UXS1: variants seen among roughly 807,000 people sequenced by gnomAD.
UXS1 encodes UDP-glucuronic acid decarboxylase 1.
UXS1 carries 33 observed loss-of-function variants against 62.6 expected under a neutral mutation model. That is an observed-to-expected ratio of 0.53 (90% CI 0.40 to 0.70). UXS1 has a LOEUF of 0.70. Among genes scored for constraint, UXS1 ranks in the 30% least tolerant of loss-of-function variants. The pLI is 0.00. For missense variants in UXS1, 434 were observed against 556.3 expected (o/e 0.78, Z 2.21); for synonymous variants, 213 against 206.8 (o/e 1.03, Z -0.26).
intron 1 of UXS1, among the ~76,000 whole-genome samples, chr2:106,179,228 GCCTCCATGGTCTC>G: frequency 6.6e-6 from 1 of 152,056 alleles, no homozygotes; most frequent in Non-Finnish European, 1.5e-5. Context: ...TTGTGATGAA[GCCTCCATGGTCTC>G]CCCCACCCCA....
At position 106,096,519 on chromosome 2, in the gene UXS1, G is replaced by A. The variant is rs1008630617; in HGVS notation, c.1146+199C>T. Among the ~76,000 whole-genome samples, 11 of 152,292 alleles carry A rather than the reference G, an allele frequency of 7.2e-5. No homozygotes were observed. The East Asian group carries it at 2.1e-3, about 29-fold the overall frequency. On this transcript the variant is annotated intron_variant, in intron 14 of 14. Transcript: ENST00000283148. ...GAGCCCAGAGCAGGGGCTTCCAGCC[G>A]CTTCCCAGGTAACATTCTCTGAGAC... is the stretch of plus-strand genomic sequence containing the variant.
At chr2:106,171,602 C>T (rs941547457) in intron 1 of UXS1, among the ~76,000 whole-genome samples, 1 of 152,168 alleles carries the variant, frequency 6.6e-6, no homozygotes, top group Non-Finnish European at 1.5e-5. Context: ...AGCCTGAGTC[C>T]CTGAATGCCA....
chr2:106,188,089 A>C (rs898998769), intron 1 of UXS1, among the ~76,000 whole-genome samples: 1 of 152,206 alleles, frequency 6.6e-6, no homozygotes, highest in Non-Finnish European at 1.5e-5. Flanking sequence ...ATGGCTCCTA[A>C]ACCCGACTAA....
At chr2:106,109,907 C>T (rs538782978) in intron 10 of UXS1, among the ~76,000 whole-genome samples, 1 of 152,302 alleles carries the variant, frequency 6.6e-6, no homozygotes, top group African/African-American at 2.4e-5. Context: ...TCAGAAGTGA[C>T]TTGTCGGAAA....
At chr2:106,116,331 C>T (rs1558690901) in intron 9 of UXS1, among the ~76,000 whole-genome samples, 2 of 152,206 alleles carry the variant, frequency 1.3e-5, no homozygotes, top group Non-Finnish European at 2.9e-5. Flanking sequence ...AGAGACAACA[C>T]CCAACCAGAT....
intron 5 of UXS1, among the ~76,000 whole-genome samples, chr2:106,153,303 C>T (rs1357580856): frequency 6.6e-6 from 1 of 152,160 alleles, no homozygotes; most frequent in East Asian, 1.9e-4. Flanking sequence ...AAAAATAAAG[C>T]AATTAGCTAG....
At chr2:106,108,057 G>A (rs1678239240) in intron 10 of UXS1, among the ~76,000 whole-genome samples, 1 of 152,248 alleles carries the variant, frequency 6.6e-6, no homozygotes, top group Non-Finnish European at 1.5e-5. Flanking sequence ...GTATGCTCCA[G>A]TGTGTGCATT....
chr2:106,155,425 T>A (rs999355961), intron 5 of UXS1, among the ~76,000 whole-genome samples: 1 of 152,148 alleles, frequency 6.6e-6, no homozygotes, highest in Non-Finnish European at 1.5e-5. Flanking sequence ...AAGGGAAAGG[T>A]ACCAAATAGG....
chr2:106,140,033 G>GTTCTAACATCCT (rs570374105), intron 6 of UXS1, among the ~76,000 whole-genome samples: 618 of 152,296 alleles, frequency 4.1e-3, no homozygotes, highest in Non-Finnish European at 7.8e-3. Flanking sequence ...ATTTAGGATG[G>GTTCTAACATCCT]AAAACAGGAA....
intron 11 of UXS1, among the ~76,000 whole-genome samples, chr2:106,103,633 G>A (rs929678917): frequency 6.6e-6 from 1 of 152,098 alleles, no homozygotes; most frequent in African/African-American, 2.4e-5. Flanking sequence ...CTGTTAAATC[G>A]CTTTTTAGAA....
At chr2:106,114,078 C>T (rs376686260) in intron 9 of UXS1, among the ~76,000 whole-genome samples, 22 of 152,196 alleles carry the variant, frequency 1.4e-4, no homozygotes, top group African/African-American at 5.1e-4. Flanking sequence ...GCATGAACCA[C>T]GAGCCCCAGA....
At chr2:106,146,772 C>CAAAAAAA (rs55896853) in intron 5 of UXS1, among the ~76,000 whole-genome samples, 18 of 45,208 alleles carry the variant, frequency 4.0e-4, no homozygotes, top group South Asian at 7.2e-4. Context: ...GACTCCATCT[C>CAAAAAAA]AAAAAAAAAA....
At chr2:106,109,680 TA>T (rs1285972669) in intron 10 of UXS1, among the ~76,000 whole-genome samples, 9 of 152,196 alleles carry the variant, frequency 5.9e-5, no homozygotes, top group African/African-American at 1.9e-4. Context: ...TGATTCCACT[TA>T]AAATATAGCT....
chr2:106,096,987 C>A (rs755935144), intron 13 of UXS1, 166 bp from the exon 14 acceptor site: 2 of 752,578 alleles, frequency 2.7e-6, no homozygotes, highest in South Asian at 2.9e-5. Flanking sequence ...GACTGTTCTG[C>A]GTGGAAGTCC....
chr2:106,188,915 T>G (rs1426312476), intron 1 of UXS1, among the ~76,000 whole-genome samples: 1 of 152,226 alleles, frequency 6.6e-6, no homozygotes, highest in Non-Finnish European at 1.5e-5. Flanking sequence ...TGTTTTAGTT[T>G]TTTAAAAAAG....
chr2:106,125,733 TTTTTTGCTGGCCAA>T, intron 7 of UXS1, 54 bp from the exon 8 acceptor site: 1 of 1,471,876 alleles, frequency 6.8e-7, no homozygotes, highest in Non-Finnish European at 9.1e-7. Flanking sequence ...TGCAGGCACA[TTTTTTGCTGGCCAA>T]TTTAAGCAAT....
chr2:106,168,675 T>G (rs1421258487), intron 1 of UXS1, among the ~76,000 whole-genome samples: 3 of 152,198 alleles, frequency 2.0e-5, no homozygotes, highest in Non-Finnish European at 4.4e-5. Context: ...ACCAATGTCA[T>G]GGCCTTATTT....
chr2:106,160,513 G>A lies in UXS1; in HGVS notation c.231-2395C>T, dbSNP rs139920671. On this transcript the variant is annotated intron_variant, in intron 4 of 14. Transcript: ENST00000283148. ...GGGAATGGGAATATAGCTACATATG[G>A]GAAAACGCGGTGCAGGGAGAAAACC... is the stretch of plus-strand genomic sequence containing the variant. The A allele has an allele frequency of 2.6e-5, 4 of 152,408 alleles. No homozygotes were observed. In the East Asian group the frequency reaches 7.7e-4, roughly 29 times the overall value. 9.4% of individuals were successfully genotyped at this position (152,408 alleles called of 1,614,324 possible). A position where few individuals can be genotyped will look rare whatever the true frequency, so the allele number is the denominator to read the frequency against.
At position 106,136,036 on chromosome 2, in the gene UXS1, A is replaced by C. The variant is rs1431580139; in HGVS notation, c.473-6258T>G. 8.4e-5 allele frequency among the ~76,000 whole-genome samples: 3 copies of C among 35,516 alleles called. 1 individual carries two copies. The highest frequency in any genetic ancestry group is 2.2e-4 in the African/African-American group (3 of 13,776). 23.3% of individuals were successfully genotyped at this position (35,516 alleles called of 152,430 possible). ...ATCTGACAAAGGGCTAATATCCAGA[A>C]TCTACAGTGAACTCAAACAAATTTA... On this transcript the variant is annotated intron_variant, in intron 6 of 14. Coordinates refer to ENST00000283148, the MANE Select transcript of UXS1 (RefSeq NM_001253875.2).
Sources: gnomAD v4.1 joint callset for allele counts (sites outside exome capture counted in the v4.1 genomes callset) on GRCh38, gnomAD v4.1.1 for gene constraint, MANE v1.5 for transcripts, NCBI Gene and HGNC (gene_info 2026-07-23, HGNC 2026-07-21) for gene names.